Variants in CERCAM observed in about 807,000 individuals in gnomAD.
CERCAM encodes inactive glycosyltransferase 25 family member 3.
Under a neutral mutation model 66.0 loss-of-function variants are expected in CERCAM, and 59 were observed. The ratio of observed to expected loss-of-function variants is 0.89; its 90% CI spans 0.73 to 1.11. The LOEUF is 1.11. CERCAM is among the 50% of genes most tolerant of loss of function. CERCAM has a pLI of 0.00. For missense variants in CERCAM, 840 were observed against 828.3 expected (o/e 1.01, Z -0.17); for synonymous variants, 318 against 343.6 (o/e 0.93, Z 0.83).
rs1293362885 is a variant in CERCAM at position 128,428,352 on chromosome 9, C to A, written c.817C>A (p.Pro273Thr). 6.2e-7 allele frequency: 1 copy of A among 1,613,954 alleles called. No homozygotes were observed. The highest frequency in any genetic ancestry group is 1.7e-5 in the Admixed American group (1 of 59,996). The change falls in exon 6 of 13, where the codon CCG becomes ACG. Residue 273 changes from proline to threonine, a missense_variant. Coordinates refer to ENST00000372838, the MANE Select transcript of CERCAM (RefSeq NM_016174.5). Reference sequence around the variant, plus strand: ...GCACCGTTATGGGTACATGAATGTGCCGGTGAAATCCCACCAGGGGCTGGA... The same window carrying A: ...GCACCGTTATGGGTACATGAATGTGACGGTGAAATCCCACCAGGGGCTGGA... ...NEHRYGYMNV[P>T]VKSHQGLEDE...
intron 8 of CERCAM, chr9:128,430,729 G>A (rs113850096): frequency 0.048 from 7,559 of 158,980 alleles, 643 homozygotes; most frequent in African/African-American, 0.17. Flanking sequence ...CAGAACTCCC[G>A]AGGTGGCTGG....
In CERCAM at chr9:128,435,968, G is replaced by A. The variant is rs535019267; in HGVS notation, c.*63G>A. 55 of 1,487,290 alleles carry A rather than the reference G, an allele frequency of 3.7e-5. No individual in the cohort carries two copies. The East Asian group carries it at 1.0e-3, about 28-fold the overall frequency. The allele number at this position is 1,487,290 out of a possible 1,614,324, so 92.1% of individuals were successfully genotyped here. Reference sequence around the variant, plus strand: ...CCTTGGCTTGCTCTCCCCTTTGATGGCATAACTGTGTCTGGGGCTGTTTTC... The same window carrying A: ...CCTTGGCTTGCTCTCCCCTTTGATGACATAACTGTGTCTGGGGCTGTTTTC... On this transcript the variant is annotated intron_variant, in intron 12 of 12. Transcript: ENST00000372838.
chr9:128,430,120 A>C (rs796718327), intron 8 of CERCAM, among the ~76,000 whole-genome samples: 11 of 152,158 alleles, frequency 7.2e-5, no homozygotes, highest in African/African-American at 2.6e-4. Flanking sequence ...AAAATTTTTG[A>C]CTGGGCACGG....
rs2131336031 is a variant in CERCAM at position 128,428,850 on chromosome 9, G to T, written c.963+17G>T. 1 of 1,613,706 alleles carries T rather than the reference G, an allele frequency of 6.2e-7. No homozygotes were observed. Among genetic ancestry groups the T allele is most frequent in the South Asian group, 1.1e-5 (1 of 91,062 alleles). ...TTTGACGAGGTAAGTCCCCCAGCCT[G>T]TGGGCTCGCTGTTAGGAGGTGGATG... On this transcript the variant is annotated intron_variant, in intron 7 of 12. Transcript: ENST00000372838.
At chr9:128,433,152 G>A (rs139928540) in intron 9 of CERCAM, among the ~76,000 whole-genome samples, 4,980 of 152,006 alleles carry the variant, frequency 0.033, 266 homozygotes, top group African/African-American at 0.11. Flanking sequence ...TGGTGGCGGC[G>A]CCTGTAGTCC....
At position 128,434,055 on chromosome 9, in the gene CERCAM, GTTGT is replaced by G; in HGVS notation, c.1204-44_1204-41del. Reference sequence around the variant, plus strand: ...TGAGCTTCAGCGTGGAGGGAGGGGGGTTGTTTAACTCCGAAGAGCCATCTCCCAC... The same window carrying G: ...TGAGCTTCAGCGTGGAGGGAGGGGGGTTAACTCCGAAGAGCCATCTCCCAC... On this transcript the variant is annotated intron_variant, in intron 9 of 12. Coordinates refer to ENST00000372838, the MANE Select transcript of CERCAM (RefSeq NM_016174.5). This position sits in a 1 kb window ranked among gnomAD's most constrained non-coding sequence, Gnocchi z 4.5. 1 of 1,604,030 alleles carries G rather than the reference GTTGT, an allele frequency of 6.2e-7. No homozygotes were observed. The highest frequency in any genetic ancestry group is 8.5e-7 in the Non-Finnish European group (1 of 1,174,630).
chr9:128,421,097 C>T (rs1833699164), intron 1 of CERCAM, 23 bp downstream of exon 1: 2 of 1,278,598 alleles, frequency 1.6e-6, no homozygotes, highest in Non-Finnish European at 2.0e-6. Context: ...GGCATTGGCA[C>T]CGAGTGGGCA....
chr9:128,429,973 TG>T (rs1833937930), intron 8 of CERCAM, among the ~76,000 whole-genome samples: 2 of 143,638 alleles, frequency 1.4e-5, no homozygotes, highest in Non-Finnish European at 3.0e-5. Flanking sequence ...TGTTTTGTTT[TG>T]TTTTTTTTTC....
Position 128,422,866 on chromosome 9 carries a change from A to G in CERCAM, c.198-2A>G. 6.2e-7 allele frequency: 1 copy of G among 1,613,880 alleles called. No individual in the cohort carries two copies. The highest frequency in any genetic ancestry group is 8.5e-7 in the Non-Finnish European group (1 of 1,179,912). On this transcript the variant is annotated splice_acceptor_variant, in intron 1 of 12. Coordinates refer to ENST00000372838, the MANE Select transcript of CERCAM (RefSeq NM_016174.5). LOFTEE classifies it high-confidence loss of function. ...CTCAGCCTTTTTTCTTCCCGTCCCCAGGTGTGCCACGGACCACAATGTGGA... is the reference window on the plus strand; with the variant it reads ...CTCAGCCTTTTTTCTTCCCGTCCCCGGGTGTGCCACGGACCACAATGTGGA...
Position 128,434,597 on chromosome 9 carries a change from T to A in CERCAM, c.1519T>A (p.Phe507Ile), listed in dbSNP as rs2131344407. 1 of 1,607,428 alleles carries A rather than the reference T, an allele frequency of 6.2e-7. No homozygotes were observed. Among genetic ancestry groups the A allele is most frequent in the South Asian group, 1.1e-5 (1 of 91,008 alleles). Residue 507 changes from phenylalanine (F) to isoleucine (I), a missense_variant, in exon 11 of 13, where the codon TTC (phenylalanine) becomes ATC (isoleucine). Phe to Ile is a conservative substitution (Grantham distance 21). Coordinates refer to ENST00000372838, the MANE Select transcript of CERCAM (RefSeq NM_016174.5). This position sits in a 1 kb window ranked among gnomAD's most constrained non-coding sequence, Gnocchi z 4.5. ...LPVDEFLPIMFDQHPNEQYKA... is the reference protein window; with the variant it reads ...LPVDEFLPIMIDQHPNEQYKA... ...CGTGGACGAGTTCCTGCCCATCATG[T>A]TCGACCAGCACCCCAAGTGAGGCTC... is the stretch of plus-strand genomic sequence containing the variant.
At chr9:128,426,415 G>T (rs1182614004) in intron 5 of CERCAM, among the ~76,000 whole-genome samples, 29 of 151,972 alleles carry the variant, frequency 1.9e-4, no homozygotes, top group Non-Finnish European at 1.5e-5. Context: ...ACGAGGTCAA[G>T]AGATTGAGAC....
Position 128,434,120 on chromosome 9 carries a change from G to C in CERCAM, c.1222G>C (p.Ala408Pro). The C allele has an allele frequency of 6.2e-7, 1 of 1,614,166 alleles. No individual in the cohort carries two copies. Among genetic ancestry groups the C allele is most frequent in the Non-Finnish European group, 8.5e-7 (1 of 1,180,038 alleles). The change falls in exon 10 of 13, where the codon GCC (alanine) becomes CCC (proline). Residue 408 changes from alanine (A) to proline (P), a missense_variant. By Grantham distance (27) the Ala-to-Pro change is conservative (BLOSUM62 -1). Coordinates refer to ENST00000372838, the MANE Select transcript of CERCAM (RefSeq NM_016174.5). This position sits in a 1 kb window ranked among gnomAD's most constrained non-coding sequence, Gnocchi z 4.5. ...IWEEVVARGL[A>P]RVLVFEDDVR... Reference sequence around the variant, plus strand: ...GCCACAGGTGGTTGCCAGGGGCCTGGCCCGGGTCCTGGTGTTTGAGGATGA... The same window carrying C: ...GCCACAGGTGGTTGCCAGGGGCCTGCCCCGGGTCCTGGTGTTTGAGGATGA...
chr9:128,434,563 C>T lies in CERCAM; in HGVS notation c.1485C>T (p.Arg495=), dbSNP rs1317213644. 1 of 1,611,752 alleles carries T rather than the reference C, an allele frequency of 6.2e-7. No homozygotes were observed. Among genetic ancestry groups the T allele is most frequent in the South Asian group, 1.1e-5 (1 of 91,064 alleles). Residue 495 remains arginine (R), a synonymous_variant, in exon 11 of 13, where the codon CGC becomes CGT. Transcript: ENST00000372838. The surrounding 1 kb of genome is among the most constrained non-coding windows in gnomAD (Gnocchi z 4.5). ...TGCTGGCCTCACAGCCTCTGCGCCG[C>T]ATGCTGCCCGTGGACGAGTTCCTGC... ...RKLLASQPLR[R]MLPVDEFLPI...
intron 2 of CERCAM, 45 bp downstream of exon 2, chr9:128,423,023 T>C: frequency 6.2e-7 from 1 of 1,612,756 alleles, no homozygotes; most frequent in Middle Eastern, 1.7e-4. Flanking sequence ...GGAGAACAGC[T>C]GCAGCCCAGA....
In CERCAM at chr9:128,434,351, G is replaced by GGGTT. The variant is rs1834055229; in HGVS notation, c.1332-59_1332-58insGGTT. On this transcript the variant is annotated intron_variant, in intron 10 of 12. Coordinates refer to ENST00000372838, the MANE Select transcript of CERCAM (RefSeq NM_016174.5). This position sits in a 1 kb window ranked among gnomAD's most constrained non-coding sequence, Gnocchi z 4.5. ...CCTGGCCCTGTAGGAGCGGGTGTGG[G>GGGTT]AGGGTCCCATGACACCCAGGACCTA... 3.1e-6 allele frequency: 5 copies of GGGTT among 1,604,614 alleles called. No individual in the cohort carries two copies. In the South Asian group the frequency reaches 5.5e-5, roughly 18 times the overall value.
intron 8 of CERCAM, among the ~76,000 whole-genome samples, chr9:128,430,113 A>T (rs890570503): frequency 1.8e-4 from 27 of 152,018 alleles, no homozygotes; most frequent in African/African-American, 4.6e-4. Context: ...ATGAAAAAAA[A>T]TTTTTGACTG....
rs1270883391 is a variant in CERCAM, at chr9:128,437,211, C to T, written c.*363C>T. The T allele has an allele frequency of 6.6e-6, 1 of 152,274 alleles. No homozygotes were observed. The highest frequency in any genetic ancestry group is 6.6e-5 in the Admixed American group (1 of 15,198). The allele number at this position is 152,274 out of a possible 1,614,324, so 9.4% of individuals were successfully genotyped here. On this transcript the variant is annotated 3_prime_UTR_variant, in exon 13 of 13. Transcript: ENST00000372838. ...CCTTCTACCTCCACCTCAGCACCCT[C>T]CCCCAGCTTGATGTTTGGGTCTCCC...
intron 3 of CERCAM, 122 bp from the exon 4 acceptor site, chr9:128,424,016 T>C: frequency 9.0e-7 from 1 of 1,115,466 alleles, no homozygotes; most frequent in Non-Finnish European, 1.3e-6. Flanking sequence ...GTGAGACCTC[T>C]GTAAGAGCAT....
chr9:128,428,107 A>G (rs1437049782), intron 5 of CERCAM, among the ~76,000 whole-genome samples, 195 bp from the exon 6 acceptor site: 2 of 152,150 alleles, frequency 1.3e-5, no homozygotes, highest in Non-Finnish European at 2.9e-5. Flanking sequence ...TGAATGAATG[A>G]ACCATTTCAG....
Sources: gnomAD v4.1 joint callset for allele counts (sites outside exome capture counted in the v4.1 genomes callset) on GRCh38, gnomAD v4.1.1 for gene constraint, Gnocchi (gnomAD v3.1) non-coding constraint, MANE v1.5 for transcripts, NCBI Gene and HGNC (gene_info 2026-07-23, HGNC 2026-07-21) for gene names.